TRPC3: variants seen among roughly 807,000 people sequenced by gnomAD.
TRPC3 encodes transient receptor potential cation channel subfamily C member 3.
TRPC3 carries 54 observed loss-of-function variants against 90.9 expected under a neutral mutation model. The observed-to-expected ratio is 0.59, with a 90% CI of 0.48 to 0.75. The LOEUF is 0.75. TRPC3 is among the 30% of genes least tolerant of loss of function. TRPC3 has a pLI of 0.00. For missense variants in TRPC3, 918 were observed against 1,194.5 expected (o/e 0.77, Z 3.41); for synonymous variants, 424 against 450.9 (o/e 0.94, Z 0.75).
chr4:121,880,210 CT>C (rs1429085110), intron 11 of TRPC3, among the ~76,000 whole-genome samples: 1 of 152,102 alleles, frequency 6.6e-6, no homozygotes, highest in South Asian at 2.1e-4. Flanking sequence ...AAGGGAGTCC[CT>C]TTGTTTCTTT....
Position 121,951,584 on chromosome 4 carries a change from G to A in TRPC3, c.97C>T (p.Pro33Ser), listed in dbSNP as rs1271468810. The A allele has an allele frequency of 3.4e-6, 5 of 1,450,708 alleles. No individual in the cohort carries two copies. The highest frequency in any genetic ancestry group is 3.6e-6 in the Non-Finnish European group (4 of 1,097,276). The allele number at this position is 1,450,708 out of a possible 1,614,324, so 89.9% of individuals were successfully genotyped here. Residue 33 changes from proline (P) to serine (S), a missense_variant, in exon 1 of 12, where the codon CCG becomes TCG. Coordinates refer to ENST00000379645, the MANE Select transcript of TRPC3 (RefSeq NM_001130698.2). This position sits in a 1 kb window ranked among gnomAD's most constrained non-coding sequence, Gnocchi z 4.4. ...CTCCAGCCCCGGCGGCGGCGCTGCGGCTCCGCGCCCTCGTCCTCGCCCTCG... is the reference window on the plus strand; with the variant it reads ...CTCCAGCCCCGGCGGCGGCGCTGCGACTCCGCGCCCTCGTCCTCGCCCTCG... ...EDEGEDEGAE[P>S]QRRRRGWRGV...
chr4:121,935,134 G>A (rs2149144953), intron 1 of TRPC3, among the ~76,000 whole-genome samples: 1 of 152,152 alleles, frequency 6.6e-6, no homozygotes, highest in South Asian at 2.1e-4. Flanking sequence ...TGCATATTTT[G>A]AATAGTTTTA....
At position 121,875,375 on chromosome 4, in the gene TRPC3, A is replaced by G. The variant is rs540670968; in HGVS notation, c.*4361T>C. ...AAATGCAATTTATTATTTTTAAAGT[A>G]CATACTATGTTTTGTTTCTAAATGA... On this transcript the variant is annotated 3_prime_UTR_variant, in exon 12 of 12. Transcript: ENST00000379645. Among the ~76,000 whole-genome samples, 1 of 152,358 alleles carries G rather than the reference A, an allele frequency of 6.6e-6. No homozygotes were observed. The highest frequency in any genetic ancestry group is 1.5e-5 in the Non-Finnish European group (1 of 68,026).
At chr4:121,904,635 T>C in intron 7 of TRPC3, 118 bp from the exon 8 acceptor site, 1 of 595,748 alleles carries the variant, frequency 1.7e-6, no homozygotes, top group South Asian at 4.2e-5. Flanking sequence ...CACCATAATA[T>C]ACTCCAAGAG....
intron 4 of TRPC3, among the ~76,000 whole-genome samples, chr4:121,914,385 G>A (rs143592593): frequency 1.3e-5 from 2 of 152,260 alleles, no homozygotes; most frequent in East Asian, 3.9e-4. Context: ...AGTTCCCAGC[G>A]TAACTGTTTC....
intron 10 of TRPC3, among the ~76,000 whole-genome samples, chr4:121,894,180 T>G (rs946850446): frequency 6.6e-6 from 1 of 152,102 alleles, no homozygotes; most frequent in East Asian, 1.9e-4. Context: ...AATAAAAGAA[T>G]GATTAAATAA....
chr4:121,915,583 C>T (rs931910957), intron 3 of TRPC3, among the ~76,000 whole-genome samples: 1 of 152,196 alleles, frequency 6.6e-6, no homozygotes, highest in Non-Finnish European at 1.5e-5. Context: ...TTTATTGCTT[C>T]CTGTATCAAA....
Position 121,951,567 on chromosome 4 carries a change from CCGG to C in TRPC3, c.111_113del (p.Arg38del), listed in dbSNP as rs1368481710. 1 of 1,446,514 alleles carries C rather than the reference CCGG, an allele frequency of 6.9e-7. No individual in the cohort carries two copies. Among genetic ancestry groups the C allele is most frequent in the Non-Finnish European group, 9.1e-7 (1 of 1,095,920 alleles). The allele number at this position is 1,446,514 out of a possible 1,614,324, so 89.6% of individuals were successfully genotyped here. ...GCCCCCCGTTGACGCCCCTCCAGCC[CCGG>C]CGGCGGCGCTGCGGCTCCGCGCCCT... On this transcript the variant is annotated inframe_deletion, in exon 1 of 12. Coordinates refer to ENST00000379645, the MANE Select transcript of TRPC3 (RefSeq NM_001130698.2). This position sits in a 1 kb window ranked among gnomAD's most constrained non-coding sequence, Gnocchi z 4.4.
intron 3 of TRPC3, among the ~76,000 whole-genome samples, chr4:121,918,084 C>G (rs766424688): frequency 4.7e-4 from 71 of 152,122 alleles, no homozygotes; most frequent in Non-Finnish European, 9.1e-4. Context: ...AGGGCTGCTC[C>G]CTTGTTAATG....
intron 2 of TRPC3, 36 bp from the exon 3 acceptor site, chr4:121,925,242 AT>A (rs757443194): frequency 1.9e-6 from 3 of 1,572,702 alleles, no homozygotes; most frequent in Middle Eastern, 1.7e-4. Context: ...AACACAAATA[AT>A]TTGCTTTTAT....
intron 1 of TRPC3, among the ~76,000 whole-genome samples, chr4:121,937,728 T>C (rs751642696): frequency 3.7e-4 from 56 of 152,186 alleles, no homozygotes; most frequent in African/African-American, 1.3e-3. Context: ...TAAGTTTTTG[T>C]CCTTTAATCT....
chr4:121,943,186 T>TC (rs3031587), intron 1 of TRPC3, among the ~76,000 whole-genome samples: 71,605 of 151,706 alleles, frequency 0.47, 18,000 homozygotes, highest in East Asian at 0.59. Flanking sequence ...CAGATAATTT[T>TC]CCCCCCCTAG....
intron 10 of TRPC3, among the ~76,000 whole-genome samples, chr4:121,894,363 T>C (rs1292544338): frequency 6.6e-6 from 1 of 151,978 alleles, no homozygotes; most frequent in African/African-American, 2.4e-5. Context: ...AAAGCAAATA[T>C]TATTAAGTCT....
intron 10 of TRPC3, among the ~76,000 whole-genome samples, chr4:121,886,993 T>C (rs1728146281): frequency 6.6e-6 from 1 of 152,200 alleles, no homozygotes; most frequent in South Asian, 2.1e-4. Flanking sequence ...TGAAATAACA[T>C]AAGCTTTTGA....
At chr4:121,918,270 A>C (rs557786151) in intron 3 of TRPC3, among the ~76,000 whole-genome samples, 24 of 152,318 alleles carry the variant, frequency 1.6e-4, no homozygotes, top group African/African-American at 5.5e-4. Flanking sequence ...CTATGAGACA[A>C]GAAAGTTTTG....
At chr4:121,900,759 T>C (rs1231878941) in intron 9 of TRPC3, among the ~76,000 whole-genome samples, 1 of 152,252 alleles carries the variant, frequency 6.6e-6, no homozygotes, top group Non-Finnish European at 1.5e-5. Context: ...TGTAAACAGC[T>C]ATATGCAAAA....
intron 10 of TRPC3, among the ~76,000 whole-genome samples, chr4:121,882,835 C>T (rs972697443): frequency 2.6e-5 from 4 of 151,932 alleles, no homozygotes; most frequent in African/African-American, 4.8e-5. Flanking sequence ...GGAAAATATA[C>T]AGAAGAACAA....
chr4:121,914,376 G>C (rs547737216), intron 4 of TRPC3, among the ~76,000 whole-genome samples: 74 of 152,170 alleles, frequency 4.9e-4, no homozygotes, highest in Non-Finnish European at 9.8e-4. Context: ...TGCCCTTCTA[G>C]TTCCCAGCGT....
At chr4:121,943,856 G>A in intron 1 of TRPC3, among the ~76,000 whole-genome samples, 1 of 151,992 alleles carries the variant, frequency 6.6e-6, no homozygotes, top group East Asian at 1.9e-4. Context: ...TTTTTAAAAA[G>A]ACCTAGGACC....
Sources: allele counts gnomAD v4.1 joint callset (sites outside exome capture counted in the v4.1 genomes callset), GRCh38; gene constraint gnomAD v4.1.1; non-coding constraint Gnocchi (gnomAD v3.1); transcripts MANE v1.5; gene names NCBI Gene and HGNC (gene_info 2026-07-23, HGNC 2026-07-21).